The following FKBP6 variants were observed in gnomAD, a reference collection of about 807,000 sequenced individuals.
The protein encoded by FKBP6 is inactive peptidyl-prolyl cis-trans isomerase FKBP6.
In FKBP6, 29 loss-of-function variants were observed where a neutral mutation model predicts 41.7. The ratio of observed to expected loss-of-function variants is 0.70; its 90% CI spans 0.52 to 0.95. The LOEUF (loss-of-function observed/expected upper bound fraction) is 0.95, where lower values mean the gene tolerates loss of function less well. Ranked by LOEUF, FKBP6 falls within the 40% of genes least tolerant of loss-of-function variation. The pLI is 0.00. For missense variants in FKBP6, 338 were observed against 408.7 expected (o/e 0.83, Z 1.49); for synonymous variants, 130 against 165.1 (o/e 0.79, Z 1.63).
intron 8 of FKBP6, among the ~76,000 whole-genome samples, chr7:73,357,948 A>G (rs537960692): frequency 4.0e-5 from 6 of 150,914 alleles, no homozygotes; most frequent in Non-Finnish European, 7.4e-5. Flanking sequence ...AGCCTGTGCT[A>G]CTGCACTCCA....
chr7:73,351,322 A>G (rs887727069), intron 8 of FKBP6, among the ~76,000 whole-genome samples: 2 of 151,582 alleles, frequency 1.3e-5, no homozygotes, highest in Non-Finnish European at 2.9e-5. Flanking sequence ...GAGCCACCGC[A>G]CCTGGCAATT....
At chr7:73,338,448 T>C (rs1227888105) in intron 5 of FKBP6, among the ~76,000 whole-genome samples, 1 of 152,258 alleles carries the variant, frequency 6.6e-6, no homozygotes, top group Non-Finnish European at 1.5e-5. Context: ...TGAGCGTTTA[T>C]GTACAAGTTG....
At chr7:73,329,926 G>A in intron 3 of FKBP6, 2 of 607,510 alleles carry the variant, frequency 3.3e-6, no homozygotes, top group South Asian at 3.9e-5. Context: ...GTTCAGGGAA[G>A]GCTTCCTGGA....
chr7:73,342,655 C>T, intron 7 of FKBP6, 152 bp from the exon 8 acceptor site: 1 of 715,498 alleles, frequency 1.4e-6, no homozygotes, highest in Non-Finnish European at 2.6e-6. Flanking sequence ...CCCTGCCTCC[C>T]CACCTCTCCA....
In FKBP6 at chr7:73,342,824, T is replaced by C. The variant is rs782301921; in HGVS notation, c.911T>C (p.Val304Ala). 5 of 1,613,092 alleles carry C rather than the reference T, an allele frequency of 3.1e-6. No individual in the cohort carries two copies. Among genetic ancestry groups the C allele is most frequent in the Non-Finnish European group, 3.4e-6 (4 of 1,179,162 alleles). ...KKLASCYRDY[V>A]DKEKEMWHRM... is the part of the protein sequence containing the mutation. ...CTCTCCAGCTGTTACAGGGACTATG[T>C]GGATAAAGAGAAAGAAATGTGGCAC... Residue 304 changes from valine to alanine, a missense_variant, in exon 8 of 9, where the codon GTG becomes GCG. Around this residue, in one of 2 missense-constraint regions of FKBP6, gnomAD observed 239 missense variants for 250.1 expected, o/e 0.96. Coordinates refer to ENST00000252037, the MANE Select transcript of FKBP6 (RefSeq NM_003602.5).
At chr7:73,337,239 C>T (rs188864922) in intron 5 of FKBP6, among the ~76,000 whole-genome samples, 59 of 151,758 alleles carry the variant, frequency 3.9e-4, no homozygotes, top group Non-Finnish European at 6.8e-4. Flanking sequence ...GAAGGGAGGA[C>T]CAAGGAAGGC....
At chr7:73,353,062 A>G (rs1554551351) in intron 8 of FKBP6, among the ~76,000 whole-genome samples, 2 of 151,976 alleles carry the variant, frequency 1.3e-5, no homozygotes, top group African/African-American at 4.8e-5. Flanking sequence ...GCGGCATGAT[A>G]TCTTCCAATA....
intron 8 of FKBP6, among the ~76,000 whole-genome samples, chr7:73,355,158 C>T (rs1219425880): frequency 1.3e-5 from 2 of 152,252 alleles, no homozygotes; most frequent in Non-Finnish European, 2.9e-5. Flanking sequence ...AGGCCTGGGG[C>T]CCACCCGCCG....
intron 5 of FKBP6, among the ~76,000 whole-genome samples, chr7:73,334,980 G>A (rs1804958213): frequency 6.6e-6 from 1 of 152,182 alleles, no homozygotes; most frequent in South Asian, 2.1e-4. Context: ...CAGAAGGGAA[G>A]AAAGGCTGAA....
At chr7:73,334,370 A>C (rs553694210) in intron 5 of FKBP6, among the ~76,000 whole-genome samples, 4 of 151,936 alleles carry the variant, frequency 2.6e-5, no homozygotes, top group African/African-American at 7.2e-5. Flanking sequence ...GACCTCCTGC[A>C]CTGAGCTTCT....
At chr7:73,341,707 A>G (rs755234692) in intron 7 of FKBP6, among the ~76,000 whole-genome samples, 14 of 141,802 alleles carry the variant, frequency 9.9e-5, no homozygotes, top group Non-Finnish European at 2.0e-4. Context: ...TCTGTCACCT[A>G]GGCTATAGGG....
At chr7:73,355,301 C>T (rs749013642) in intron 8 of FKBP6, among the ~76,000 whole-genome samples, 12 of 152,238 alleles carry the variant, frequency 7.9e-5, no homozygotes, top group Non-Finnish European at 1.6e-4. Flanking sequence ...GCCACGGATA[C>T]AGCTTTTTTC....
chr7:73,341,031 T>C (rs1554549445), intron 6 of FKBP6, among the ~76,000 whole-genome samples, 199 bp downstream of exon 6: 1 of 151,504 alleles, frequency 6.6e-6, no homozygotes, highest in African/African-American at 2.4e-5. Context: ...TCAAGCAATT[T>C]TCCTGCCTCA....
chr7:73,349,545 A>C lies in FKBP6; in HGVS notation c.*2+6646A>C, dbSNP rs10250926. 4.4e-5 allele frequency among the ~76,000 whole-genome samples: 6 copies of C among 136,040 alleles called. No homozygotes were observed. In the Admixed American group the frequency reaches 4.5e-4, roughly 10 times the overall value. 89.2% of individuals were successfully genotyped at this position (136,040 alleles called of 152,430 possible). A position where few individuals can be genotyped will look rare whatever the true frequency, so the allele number is the denominator to read the frequency against. ...GGTGAAACCCCGTCTCTACTAAAAT[A>C]CAAAAAAAAAAAAAAAAAAAAATAC... On this transcript the variant is annotated intron_variant, in intron 8 of 8. Transcript: ENST00000252037.
chr7:73,355,886 G>A (rs1405876347), intron 8 of FKBP6, among the ~76,000 whole-genome samples: 5 of 151,796 alleles, frequency 3.3e-5, no homozygotes, highest in African/African-American at 1.2e-4. Flanking sequence ...CTAACACAGT[G>A]AAACTCCGTC....
At chr7:73,357,980 C>G (rs1554552200) in intron 8 of FKBP6, among the ~76,000 whole-genome samples, 3 of 142,430 alleles carry the variant, frequency 2.1e-5, no homozygotes, top group African/African-American at 8.3e-5. Flanking sequence ...GAGTAAGGCT[C>G]TGTCTCAAAA....
intron 8 of FKBP6, among the ~76,000 whole-genome samples, chr7:73,351,804 G>A (rs1805498149): frequency 6.6e-6 from 1 of 152,130 alleles, no homozygotes; most frequent in South Asian, 2.1e-4. Context: ...GAGATAACTG[G>A]GTTCCTTTTG....
At chr7:73,349,748 C>T (rs1193943371) in intron 8 of FKBP6, among the ~76,000 whole-genome samples, 5 of 150,830 alleles carry the variant, frequency 3.3e-5, no homozygotes, top group Non-Finnish European at 7.4e-5. Context: ...GATGAAGAGC[C>T]ACATGGGGTG....
chr7:73,331,549 T>G, intron 4 of FKBP6, 108 bp from the exon 5 acceptor site: 5 of 1,053,038 alleles, frequency 4.7e-6, no homozygotes, highest in Non-Finnish European at 7.4e-6. Context: ...GTTCTCACTA[T>G]GTTGCCCAGG....
Sources: gnomAD v4.1 joint callset for allele counts (sites outside exome capture counted in the v4.1 genomes callset) on GRCh38, gnomAD v4.1.1 for gene constraint, gnomAD v4.1.1 regional missense constraint, MANE v1.5 for transcripts, NCBI Gene and HGNC (gene_info 2026-07-23, HGNC 2026-07-21) for gene names.